The following TUT7 variants were observed in gnomAD, a reference collection of about 807,000 sequenced individuals.
TUT7 encodes the protein terminal uridylyl transferase 7.
TUT7 carries 33 observed loss-of-function variants against 165.9 expected under a neutral mutation model. The observed-to-expected ratio is 0.20, with a 90% CI of 0.15 to 0.27. The LOEUF (loss-of-function observed/expected upper bound fraction) is 0.27, where lower values mean the gene tolerates loss of function less well. TUT7 is among the 10% of genes least tolerant of loss of function. TUT7 has a pLI of 1.00. For synonymous variants in TUT7, 552 were observed against 608.1 expected, an observed-to-expected ratio of 0.91 and a Z score of 1.36; for missense variants, 1,338 against 1,762.3, an observed-to-expected ratio of 0.76 and a Z score of 4.31.
intron 26 of TUT7, among the ~76,000 whole-genome samples, chr9:86,292,298 G>C (rs1825959164): frequency 6.6e-6 from 1 of 152,002 alleles, no homozygotes; most frequent in Admixed American, 6.6e-5. Flanking sequence ...ACATATGAAA[G>C]AGTATAAAAA....
In TUT7 at chr9:86,337,522, C is replaced by A. The variant is rs778107333; in HGVS notation, c.1352G>T (p.Arg451Leu). Residue 451 changes from arginine to leucine, a missense_variant, in exon 10 of 27, where the codon CGC becomes CTC. Arg to Leu is a moderately radical substitution (Grantham distance 102). Around this residue, in one of 7 missense-constraint regions of TUT7, gnomAD observed 74 missense variants for 128.5 expected, o/e 0.58. Coordinates refer to ENST00000375963, the MANE Select transcript of TUT7 (RefSeq NM_024617.4). ...RYWAKLCSID[R>L]PEEGGLPPYV... ...AGGTGGCAGACCTCCTTCTTCAGGG[C>A]GATCTATACTGCAAAGCTACAAACA... 6.5e-5 allele frequency: 104 copies of A among 1,610,214 alleles called. No individual in the cohort carries two copies. The highest frequency in any genetic ancestry group is 8.5e-5 in the Non-Finnish European group (100 of 1,179,016).
intron 26 of TUT7, among the ~76,000 whole-genome samples, chr9:86,291,780 C>T (rs10868406): frequency 6.6e-6 from 1 of 152,026 alleles, no homozygotes; most frequent in Admixed American, 6.6e-5. Flanking sequence ...CCAATACAAG[C>T]GTAATCTGAT....
chr9:86,315,020 A>ACT (rs1449385506), intron 17 of TUT7, among the ~76,000 whole-genome samples: 7 of 152,224 alleles, frequency 4.6e-5, no homozygotes, highest in Admixed American at 1.3e-4. Flanking sequence ...TCTTCTTAGA[A>ACT]GTTATTTAAT....
At position 86,342,092 on chromosome 9, in the gene TUT7, C is replaced by T. The variant is rs117209891; in HGVS notation, c.1086+983G>A. On this transcript the variant is annotated intron_variant, in intron 6 of 26. Transcript: ENST00000375963. ...GTTAAAAAAACAGTCTATTGGGTAG[C>T]TTACCAGGTAGCTACAGCACTCAGG... is the stretch of plus-strand genomic sequence containing the variant. Among the ~76,000 whole-genome samples, 896 of 152,258 alleles carry T rather than the reference C, an allele frequency of 5.9e-3. 19 individuals carry two copies. The highest frequency in any genetic ancestry group is 0.05 in the East Asian group (258 of 5,170).
At chr9:86,326,587 C>G (rs1329556282) in intron 11 of TUT7, 1 of 154,458 alleles carries the variant, frequency 6.5e-6, no homozygotes, top group Non-Finnish European at 1.5e-5. Context: ...GTAGGTATAG[C>G]CTTTTTAAGT....
At position 86,324,821 on chromosome 9, in the gene TUT7, T is replaced by C. The variant is rs3737092; in HGVS notation, c.1789+513A>G. Among the ~76,000 whole-genome samples the C allele has an allele frequency of 2.6e-4, 39 of 152,318 alleles. No individual in the cohort carries two copies. In the East Asian group the frequency reaches 7.3e-3, roughly 29 times the overall value. On this transcript the variant is annotated intron_variant, in intron 12 of 26. Coordinates refer to ENST00000375963, the MANE Select transcript of TUT7 (RefSeq NM_024617.4). ...CAGTTAAATGAGGCTTCACTAAAAA[T>C]GTGTTTTTATGAATAAGTTCTAAAT...
chr9:86,346,887 C>T (rs1346165052), intron 2 of TUT7, among the ~76,000 whole-genome samples: 3 of 152,058 alleles, frequency 2.0e-5, no homozygotes, highest in African/African-American at 7.2e-5. Context: ...TCTGTAAGTA[C>T]ACCTGTTATT....
intron 2 of TUT7, among the ~76,000 whole-genome samples, chr9:86,351,952 T>C (rs1008309899): frequency 6.6e-6 from 1 of 152,236 alleles, no homozygotes; most frequent in East Asian, 1.9e-4. Flanking sequence ...CGTTGCCACA[T>C]GGATAAAATC....
At chr9:86,328,562 T>C (rs536644326) in intron 10 of TUT7, 70 bp from the exon 11 acceptor site, 1 of 1,339,382 alleles carries the variant, frequency 7.5e-7, no homozygotes, top group Admixed American at 2.6e-5. Flanking sequence ...CTACTAATCT[T>C]GGAATAAAAA....
intron 25 of TUT7, 61 bp from the exon 26 acceptor site, chr9:86,301,662 C>T: frequency 6.5e-7 from 1 of 1,536,300 alleles, no homozygotes; most frequent in Non-Finnish European, 8.7e-7. Context: ...AATATTAAGG[C>T]AATTCCCAAA....
chr9:86,340,989 A>C lies in TUT7; in HGVS notation c.1138+13T>G. The C allele has an allele frequency of 6.2e-7, 1 of 1,605,854 alleles. No individual in the cohort carries two copies. On this transcript the variant is annotated intron_variant, in intron 7 of 26. Coordinates refer to ENST00000375963, the MANE Select transcript of TUT7 (RefSeq NM_024617.4). ...CAACATAAAAATTTTTTAAATGTGGAATTTGGCCTTACCACTGTTCTTTAA... is the reference window on the plus strand; with the variant it reads ...CAACATAAAAATTTTTTAAATGTGGCATTTGGCCTTACCACTGTTCTTTAA...
At chr9:86,345,581 C>G in intron 4 of TUT7, 88 bp downstream of exon 4, 1 of 922,676 alleles carries the variant, frequency 1.1e-6, no homozygotes, top group East Asian at 2.4e-5. Context: ...TTATCAATAT[C>G]ATAGCCTTAA....
At chr9:86,307,465 G>A (rs1436698068) in intron 22 of TUT7, among the ~76,000 whole-genome samples, 2 of 151,986 alleles carry the variant, frequency 1.3e-5, no homozygotes, top group Non-Finnish European at 2.9e-5. Flanking sequence ...ACTGCCAATA[G>A]GCAGAAATAA....
At chr9:86,349,943 A>G (rs1362860546) in intron 2 of TUT7, among the ~76,000 whole-genome samples, 1 of 152,228 alleles carries the variant, frequency 6.6e-6, no homozygotes, top group African/African-American at 2.4e-5. Flanking sequence ...ATAAGAATAC[A>G]CATAAAATAA....
In TUT7 at chr9:86,345,864, G is replaced by A. The variant is rs999601498; in HGVS notation, c.703-79C>T. 3.0e-4 allele frequency: 315 copies of A among 1,039,054 alleles called. 2 individuals are homozygous for A. Among genetic ancestry groups the A allele is most frequent in the Non-Finnish European group, 5.4e-5 (37 of 684,050 alleles). The allele number at this position is 1,039,054 out of a possible 1,614,324, so 64.4% of individuals were successfully genotyped here. On this transcript the variant is annotated intron_variant, in intron 3 of 26. Transcript: ENST00000375963. The stretch of plus-strand genomic sequence containing the variant: ...AGATAAACAAAATCAGCCAGGAAAT[G>A]ATTTCCCCTTCAATTTCTTTTCTCT...
intron 17 of TUT7, among the ~76,000 whole-genome samples, chr9:86,312,303 C>G (rs895124613): frequency 6.6e-6 from 1 of 151,854 alleles, no homozygotes; most frequent in South Asian, 2.1e-4. Context: ...GCGTCTCTGC[C>G]CGGCCGCCCC....
Position 86,323,645 on chromosome 9 carries a change from T to C in TUT7, c.2105A>G (p.Glu702Gly). Residue 702 changes from glutamate to glycine, a missense_variant, in exon 13 of 27, where the codon GAA becomes GGA. Physicochemically the swap from Glu to Gly is moderately conservative, Grantham distance 98. Coordinates refer to ENST00000375963, the MANE Select transcript of TUT7 (RefSeq NM_024617.4). ...TTCTTTTGGTGGGCTTCCAAAACTT[T>C]CAGCAGTCTCTTTAAGAGTAAGTGG... is the stretch of plus-strand genomic sequence containing the variant. ...VQPLTLKETAESFGSPPKEEM... is the reference protein window; with the variant it reads ...VQPLTLKETAGSFGSPPKEEM... The C allele has an allele frequency of 6.2e-7, 1 of 1,614,220 alleles. No homozygotes were observed.
chr9:86,305,244 G>A lies in TUT7; in HGVS notation c.3839-5C>T. The A allele has an allele frequency of 1.3e-6, 2 of 1,585,262 alleles. No homozygotes were observed. Among genetic ancestry groups the A allele is most frequent in the Non-Finnish European group, 1.7e-6 (2 of 1,169,114 alleles). ...TATGATTCAAATCAAAGGGATCTAA[G>A]CAAAAAAATTTAAGAGCAAATAAGG... On this transcript the variant is annotated splice_polypyrimidine_tract_variant and splice_region_variant and intron_variant, in intron 22 of 26. Transcript: ENST00000375963.
chr9:86,352,865 T>G lies in TUT7; in HGVS notation c.335A>C (p.Asn112Thr). The G allele has an allele frequency of 1.2e-6, 2 of 1,614,234 alleles. No homozygotes were observed. The highest frequency in any genetic ancestry group is 1.7e-6 in the Non-Finnish European group (2 of 1,180,032). The stretch of plus-strand genomic sequence containing the variant: ...AGGTCCAGGTTTGAATTCTCTCCAG[T>G]TGTCTGAATTACCAGTATGTTCATC... ...LSDEHTGNSD[N>T]WREFKPGPRI... Residue 112 changes from asparagine (N) to threonine (T), a missense_variant, in exon 2 of 27, where the codon AAC (asparagine) becomes ACC (threonine). Asn to Thr is a moderately conservative substitution (Grantham distance 65). Around this residue, in one of 7 missense-constraint regions of TUT7, gnomAD observed 434 missense variants for 480.8 expected, o/e 0.90. Transcript: ENST00000375963.
Sources: allele counts gnomAD v4.1 joint callset (sites outside exome capture counted in the v4.1 genomes callset), GRCh38; gene constraint gnomAD v4.1.1; regional missense constraint gnomAD v4.1.1; transcripts MANE v1.5; gene names NCBI Gene and HGNC (gene_info 2026-07-23, HGNC 2026-07-21).